The following KIF3A variants were observed in gnomAD, a reference collection of about 807,000 sequenced individuals.
KIF3A encodes the protein kinesin-like protein KIF3A.
A neutral mutation model predicts 92.6 loss-of-function variants in KIF3A; 27 were observed. The observed-to-expected ratio is 0.29, with a 90% CI of 0.21 to 0.40. The LOEUF is 0.40. KIF3A is among the 10% of genes least tolerant of loss of function. The probability of loss-of-function intolerance (pLI) is 1.00; values close to 1 mark genes in which losing one functional copy is unlikely to be tolerated. For missense variants in KIF3A, 581 were observed against 872.6 expected, an observed-to-expected ratio of 0.67 and a Z score of 4.21; for synonymous variants, 250 against 275.4, an observed-to-expected ratio of 0.91 and a Z score of 0.92.
At position 132,699,087 on chromosome 5, in the gene KIF3A, T is replaced by C. The variant is rs1752935807; in HGVS notation, c.2132+84A>G. The C allele has an allele frequency of 9.0e-6, 12 of 1,332,808 alleles. No homozygotes were observed. In the Admixed American group the frequency reaches 2.1e-4, roughly 24 times the overall value. The allele number at this position is 1,332,808 out of a possible 1,614,324, so 82.6% of individuals were successfully genotyped here. A position where few individuals can be genotyped will look rare whatever the true frequency, so the allele number is the denominator to read the frequency against. On this transcript the variant is annotated intron_variant, in intron 18 of 18. Transcript: ENST00000403231. ...GCCAAAATATGTATCATGTTTTAAC[T>C]AAATAAATTTTAACTTCCTGTACAT...
At chr5:132,697,468 T>G (rs937773367) in intron 18 of KIF3A, 6 of 150,154 alleles carry the variant, frequency 4.0e-5, no homozygotes, top group African/African-American at 1.5e-4. Flanking sequence ...AAAAAAAAAG[T>G]AAAATTGACA....
intron 15 of KIF3A, among the ~76,000 whole-genome samples, chr5:132,701,502 C>CAAA (rs5871462): frequency 1.3e-4 from 13 of 101,186 alleles, no homozygotes; most frequent in Admixed American, 3.3e-4. Context: ...GTCTCCCTGA[C>CAAA]AAAAAAAAAA....
chr5:132,690,643 T>G (rs1257142920), downstream of KIF3A, among the ~76,000 whole-genome samples: 1 of 143,076 alleles, frequency 7.0e-6, no homozygotes, highest in Non-Finnish European at 1.6e-5. Flanking sequence ...AATAAAAATT[T>G]CAGGCCGGGC....
intron 1 of KIF3A, 29 bp from the exon 2 acceptor site, chr5:132,734,507 A>G (rs1267549545): frequency 6.4e-7 from 1 of 1,562,240 alleles, no homozygotes; most frequent in Non-Finnish European, 8.6e-7. Context: ...ACAAATAATG[A>G]AAAGAACATT....
At position 132,737,453 on chromosome 5, in the gene KIF3A, G is replaced by A; in HGVS notation, c.-34C>T. ...CCTCCCGTGCCCGGCGGACGTCCCC[G>A]CCCGGGGTGCAGCCCAGCGACACCG... On this transcript the variant is annotated 5_prime_UTR_variant, in exon 1 of 19. Transcript: ENST00000403231. 2 of 1,599,854 alleles carry A rather than the reference G, an allele frequency of 1.3e-6. No individual in the cohort carries two copies. The highest frequency in any genetic ancestry group is 1.7e-6 in the Non-Finnish European group (2 of 1,173,956).
chr5:132,701,060 A>G (rs1455062978), intron 15 of KIF3A, among the ~76,000 whole-genome samples: 1 of 152,078 alleles, frequency 6.6e-6, no homozygotes, highest in Non-Finnish European at 1.5e-5. Context: ...AACTAAATAA[A>G]AGCAGGCCAT....
intron 8 of KIF3A, among the ~76,000 whole-genome samples, chr5:132,713,400 G>GA (rs1561699910): frequency 1.3e-5 from 2 of 151,966 alleles, no homozygotes; most frequent in Non-Finnish European, 2.9e-5. Flanking sequence ...CTGGGTGAAG[G>GA]GTAGATAGGA....
downstream of KIF3A, among the ~76,000 whole-genome samples, chr5:132,690,901 T>G (rs1752647284): frequency 6.6e-6 from 1 of 152,168 alleles, no homozygotes; most frequent in South Asian, 2.1e-4. Flanking sequence ...CACTCCAGCC[T>G]GGGCAACAGA....
At chr5:132,725,284 C>G (rs991232422) in intron 4 of KIF3A, among the ~76,000 whole-genome samples, 1 of 152,024 alleles carries the variant, frequency 6.6e-6, no homozygotes, top group African/African-American at 2.4e-5. Context: ...CAAGCACAAA[C>G]AATCCTTAAC....
intron 4 of KIF3A, among the ~76,000 whole-genome samples, chr5:132,725,833 G>A (rs1451544773): frequency 6.6e-6 from 1 of 151,962 alleles, no homozygotes; most frequent in Non-Finnish European, 1.5e-5. Context: ...TATTTTACTG[G>A]TGATGCAATC....
intron 18 of KIF3A, among the ~76,000 whole-genome samples, chr5:132,697,353 T>C (rs946275705): frequency 2.0e-5 from 3 of 152,148 alleles, no homozygotes; most frequent in Non-Finnish European, 4.4e-5. Context: ...ACGATTTTTT[T>C]AATGTTAAAC....
intron 1 of KIF3A, among the ~76,000 whole-genome samples, chr5:132,735,247 G>C (rs572766440): frequency 6.6e-6 from 1 of 152,154 alleles, no homozygotes; most frequent in Non-Finnish European, 1.5e-5. Flanking sequence ...GCTAATTTTT[G>C]TATTTTTAGT....
intron 17 of KIF3A, chr5:132,699,544 G>A (rs1196662541): frequency 1.9e-6 from 1 of 539,412 alleles, no homozygotes; most frequent in Non-Finnish European, 3.5e-6. Flanking sequence ...TCTTAAAGCT[G>A]CCCCCTCTTC....
chr5:132,706,927 A>G (rs574415044), intron 10 of KIF3A, among the ~76,000 whole-genome samples: 1 of 152,326 alleles, frequency 6.6e-6, no homozygotes, highest in Non-Finnish European at 1.5e-5. Flanking sequence ...AAATGTCCCA[A>G]TTCAATATTT....
At chr5:132,699,102 T>C in intron 18 of KIF3A, 69 bp downstream of exon 18, 1 of 1,410,334 alleles carries the variant, frequency 7.1e-7, no homozygotes, top group Non-Finnish European at 9.9e-7. Context: ...AAATTTTAAC[T>C]TCCTGTACAT....
intron 4 of KIF3A, among the ~76,000 whole-genome samples, chr5:132,724,868 T>A: frequency 8.2e-6 from 1 of 121,340 alleles, no homozygotes; most frequent in Admixed American, 8.8e-5. Flanking sequence ...AAAAAATCAT[T>A]CTAAGAAAGG....
chr5:132,690,097 T>C (rs940630684), downstream of KIF3A, among the ~76,000 whole-genome samples: 7 of 152,280 alleles, frequency 4.6e-5, no homozygotes, highest in Non-Finnish European at 1.0e-4. Flanking sequence ...GCGTCTGTAG[T>C]ACCAGCTACT....
Position 132,702,668 on chromosome 5 carries a change from G to T in KIF3A, c.1648C>A (p.Gln550Lys). The T allele has an allele frequency of 6.3e-7, 1 of 1,587,820 alleles. No individual in the cohort carries two copies. Among genetic ancestry groups the T allele is most frequent in the Non-Finnish European group, 8.6e-7 (1 of 1,163,786 alleles). The change falls in exon 14 of 19, where the codon CAA becomes AAA. Residue 550 changes from glutamine to lysine, a missense_variant and splice_region_variant. By Grantham distance (53) the Gln-to-Lys change is moderately conservative. Coordinates refer to ENST00000403231, the MANE Select transcript of KIF3A (RefSeq NM_001300791.2). Reference sequence around the variant, plus strand: ...TTTTCTTCAATATCCAAGCGTTCTTGCTATGACAAAAATTAGTAAACTTCA... The same window carrying T: ...TTTTCTTCAATATCCAAGCGTTCTTTCTATGACAAAAATTAGTAAACTTCA... ...QLRRELEEKE[Q>K]ERLDIEEKYT...
intron 15 of KIF3A, among the ~76,000 whole-genome samples, chr5:132,701,131 CAAA>C (rs56411849): frequency 8.8e-4 from 126 of 142,588 alleles, no homozygotes; most frequent in Non-Finnish European, 9.5e-4. Context: ...ACCTGAGGTC[CAAA>C]AAAAAAAAAA....
Sources: allele counts gnomAD v4.1 joint callset (sites outside exome capture counted in the v4.1 genomes callset), GRCh38; gene constraint gnomAD v4.1.1; transcripts MANE v1.5; gene names NCBI Gene and HGNC (gene_info 2026-07-23, HGNC 2026-07-21).